Variants in KLRD1 observed in about 807,000 individuals in gnomAD.
KLRD1 encodes the protein natural killer cells antigen CD94.
KLRD1 carries 21 observed loss-of-function variants against 22.6 expected under a neutral mutation model. That is an observed-to-expected ratio of 0.93 (90% CI 0.66 to 1.34). The LOEUF is 1.34. Among genes scored for constraint, KLRD1 ranks in the 40% most tolerant of loss-of-function variants. The pLI is 0.00. For synonymous variants in KLRD1, 59 were observed against 71.1 expected (o/e 0.83, Z 0.85); for missense variants, 183 against 208.6 (o/e 0.88, Z 0.76).
intron 3 of KLRD1, among the ~76,000 whole-genome samples, chr12:10,311,137 T>C (rs549631570): frequency 4.6e-5 from 7 of 152,336 alleles, no homozygotes; most frequent in African/African-American, 1.4e-4. Flanking sequence ...AAAAGGTTCT[T>C]GTAACTGCCC....
chr12:10,250,730 C>T (rs921990301), intron 1 of KLRD1, among the ~76,000 whole-genome samples: 6 of 152,106 alleles, frequency 3.9e-5, no homozygotes, highest in Non-Finnish European at 7.3e-5. Context: ...TGCAACACCC[C>T]TTTGATTATT....
At chr12:10,302,384 G>A (rs529201152), upstream of KLRD1, among the ~76,000 whole-genome samples, 1 of 152,324 alleles carries the variant, frequency 6.6e-6, no homozygotes, top group South Asian at 2.1e-4. Context: ...AAGTGCTGAT[G>A]TCAGTGGCAG....
intron 1 of KLRD1, among the ~76,000 whole-genome samples, chr12:10,279,179 T>C (rs529054515): frequency 9.9e-5 from 15 of 150,792 alleles, no homozygotes; most frequent in Non-Finnish European, 2.1e-4. Flanking sequence ...TGGTTTCTAT[T>C]GTTCTCTTCT....
intron 1 of KLRD1, among the ~76,000 whole-genome samples, chr12:10,242,928 CG>C (rs1949254574): frequency 6.6e-6 from 1 of 152,074 alleles, no homozygotes. Context: ...TATATATACA[CG>C]GTGAAATACT....
rs573508903 is a variant in KLRD1 at position 10,286,248 on chromosome 12, C to T, written c.-100-21730C>T. Among the ~76,000 whole-genome samples, 15 of 152,212 alleles carry T rather than the reference C, an allele frequency of 9.9e-5. No homozygotes were observed. In the South Asian group the frequency reaches 2.3e-3, roughly 23 times the overall value. ...AGGGGTCCAGGGTCATATCAGAGTC[C>T]GGAGATTTCCGTGAAAGCTTAAAGT... On this transcript the variant is annotated intron_variant, in intron 1 of 5. Transcript: ENST00000544747.
At chr12:10,297,110 C>T (rs1353893856) in intron 1 of KLRD1, among the ~76,000 whole-genome samples, 2 of 152,216 alleles carry the variant, frequency 1.3e-5, no homozygotes, top group African/African-American at 2.4e-5. Context: ...CACAATTCAT[C>T]TTCACCCAGG....
At chr12:10,294,971 AAG>A (rs372207997) in intron 1 of KLRD1, among the ~76,000 whole-genome samples, 22 of 152,344 alleles carry the variant, frequency 1.4e-4, no homozygotes, top group Admixed American at 6.5e-4. Context: ...TATAAAGAGA[AAG>A]AGGGTAGTAA....
At chr12:10,263,737 G>A (rs1215162644) in intron 1 of KLRD1, among the ~76,000 whole-genome samples, 2 of 152,038 alleles carry the variant, frequency 1.3e-5, no homozygotes, top group African/African-American at 4.8e-5. Flanking sequence ...AGTACCAGAT[G>A]CATTGCTAGA....
Position 10,317,309 on chromosome 12 carries a change from G to A in KLRD1, c.*2516G>A, listed in dbSNP as rs974579918. ...CAATACATTAATTATTAGTTCCTCC[G>A]TTAGTTGTGAAGTCCTAATTAGGGA... On this transcript the variant is annotated 3_prime_UTR_variant, in exon 6 of 6. Coordinates refer to ENST00000336164, the MANE Select transcript of KLRD1 (RefSeq NM_002262.5). The A allele has an allele frequency of 7.9e-5, 12 of 152,242 alleles. No homozygotes were observed. Among genetic ancestry groups the A allele is most frequent in the South Asian group, 4.1e-4 (2 of 4,822 alleles). 9.4% of individuals were successfully genotyped at this position (152,242 alleles called of 1,614,324 possible). A position where few individuals can be genotyped will look rare whatever the true frequency, so the allele number is the denominator to read the frequency against.
At position 10,283,941 on chromosome 12, in the gene KLRD1, C is replaced by T. The variant is rs7960909; in HGVS notation, c.-100-24037C>T. On this transcript the variant is annotated intron_variant, in intron 1 of 5. Transcript: ENST00000544747. ...CTGTAATCCCAACACTTTGGGAGGC[C>T]GAGGTGGGCGGATCACCTGAGGTCA... is the stretch of plus-strand genomic sequence containing the variant. Among the ~76,000 whole-genome samples the T allele has an allele frequency of 9.1e-3, 1,362 of 150,046 alleles. 26 individuals carry two copies. The highest frequency in any genetic ancestry group is 0.032 in the African/African-American group (1,296 of 40,858).
intron 1 of KLRD1, among the ~76,000 whole-genome samples, chr12:10,292,075 C>T (rs536830698): frequency 1.3e-5 from 2 of 152,256 alleles, no homozygotes; most frequent in African/African-American, 4.8e-5. Context: ...CATGTCTTTG[C>T]GATTGTAAAT....
Position 10,284,045 on chromosome 12 carries a change from G to A in KLRD1, c.-100-23933G>A, listed in dbSNP as rs537547249. Among the ~76,000 whole-genome samples, 141 of 151,034 alleles carry A rather than the reference G, an allele frequency of 9.3e-4. 6 individuals carry two copies. The South Asian group carries it at 0.029, about 31-fold the overall frequency. On this transcript the variant is annotated intron_variant, in intron 1 of 5. Transcript: ENST00000544747. ...ACAAAAAAAAAAAAAAAAATAGCTG[G>A]GCATGGTGGTGGGCGCTTGTAATCC...
In KLRD1 at chr12:10,296,253, A is replaced by G. The variant is rs560926157; in HGVS notation, c.-100-11725A>G. On this transcript the variant is annotated intron_variant, in intron 1 of 5. Coordinates refer to the KLRD1 transcript ENST00000544747. ...CAAAGGAGGCCGGGCACAGTGGCTC[A>G]TGCCTGTAATCCCAGCACTTTGGGA... 3.7e-4 allele frequency among the ~76,000 whole-genome samples: 57 copies of G among 152,328 alleles called. No homozygotes were observed. The South Asian group carries it at 0.012, about 32-fold the overall frequency.
chr12:10,312,233 G>A (rs1415648471), intron 4 of KLRD1, among the ~76,000 whole-genome samples: 1 of 151,258 alleles, frequency 6.6e-6, no homozygotes, highest in Admixed American at 6.6e-5. Flanking sequence ...TGTATTTTTA[G>A]TAGAGACAGG....
intron 1 of KLRD1, among the ~76,000 whole-genome samples, chr12:10,247,699 A>T (rs1420676911): frequency 6.6e-6 from 1 of 152,148 alleles, no homozygotes; most frequent in Non-Finnish European, 1.5e-5. Flanking sequence ...GTGGGAAGGT[A>T]ATTAAATCAT....
intron 1 of KLRD1, among the ~76,000 whole-genome samples, chr12:10,247,726 A>C (rs1211747369): frequency 6.6e-6 from 1 of 152,118 alleles, no homozygotes; most frequent in African/African-American, 2.4e-5. Context: ...AGTTGCACCC[A>C]TGCTATTCTC....
At chr12:10,240,247 C>CA (rs1949228231) in intron 1 of KLRD1, among the ~76,000 whole-genome samples, 1 of 151,482 alleles carries the variant, frequency 6.6e-6, no homozygotes, top group South Asian at 2.1e-4. Context: ...TTTTTGTAGA[C>CA]ACAGGGTTTT....
chr12:10,268,459 C>T (rs1277102808), intron 1 of KLRD1, among the ~76,000 whole-genome samples: 2 of 152,066 alleles, frequency 1.3e-5, no homozygotes, highest in Admixed American at 6.6e-5. Context: ...AAAAGTGGAC[C>T]TGGAAATTGG....
At position 10,323,221 on chromosome 12, in the gene KLRD1, C is replaced by G. The variant is rs1003229944; in HGVS notation, c.*8428C>G. 6.6e-6 allele frequency: 1 copy of G among 152,046 alleles called. No individual in the cohort carries two copies. The highest frequency in any genetic ancestry group is 1.5e-5 in the Non-Finnish European group (1 of 68,016). 9.4% of individuals were successfully genotyped at this position (152,046 alleles called of 1,614,324 possible). Reference sequence around the variant, plus strand: ...AGTCATAAGCTGTCATATATTTAGGCCCTTTAGTTCACGCTTTAAAAACTA... The same window carrying G: ...AGTCATAAGCTGTCATATATTTAGGGCCTTTAGTTCACGCTTTAAAAACTA... On this transcript the variant is annotated 3_prime_UTR_variant, in exon 6 of 6. Transcript: ENST00000336164.
Sources: gnomAD v4.1 joint callset for allele counts (sites outside exome capture counted in the v4.1 genomes callset) on GRCh38, gnomAD v4.1.1 for gene constraint, MANE v1.5 for transcripts, NCBI Gene and HGNC (gene_info 2026-07-23, HGNC 2026-07-21) for gene names.